MPDZ: variants seen among roughly 807,000 people sequenced by gnomAD.
The protein encoded by MPDZ is multiple PDZ domain protein.
A neutral mutation model predicts 239.1 loss-of-function variants in MPDZ; 234 were observed. The ratio of observed to expected loss-of-function variants is 0.98; its 90% CI spans 0.88 to 1.09. The LOEUF (loss-of-function observed/expected upper bound fraction) is 1.09. Among genes scored for constraint, MPDZ ranks in the 50% least tolerant of loss-of-function variants. MPDZ has a pLI of 0.00. For synonymous variants in MPDZ, 1,048 were observed against 881.3 expected (o/e 1.19, Z -3.35); for missense variants, 3,175 against 2,510.0 (o/e 1.26, Z -5.66).
In MPDZ at chr9:13,140,142, C is replaced by G; in HGVS notation, c.3848G>C (p.Ser1283Thr). 6.2e-7 allele frequency: 1 copy of G among 1,613,024 alleles called. No homozygotes were observed. Among genetic ancestry groups the G allele is most frequent in the Non-Finnish European group, 8.5e-7 (1 of 1,179,422 alleles). ...CTTCTCTGGCTCTGACTCTGACTGA[C>G]TGGGTGCCTGTGGGAACAAAAAGAA... ...SLQINADKAP[S>T]QSESEPEKAP... Residue 1283 changes from serine (S) to threonine (T), a missense_variant, in exon 28 of 47, where the codon AGT (serine) becomes ACT (threonine). Transcript: ENST00000319217.
intron 3 of MPDZ, among the ~76,000 whole-genome samples, chr9:13,231,759 C>A (rs554935939): frequency 2.6e-5 from 4 of 151,624 alleles, no homozygotes; most frequent in Admixed American, 6.6e-5. Context: ...TTGAGGCCAA[C>A]ATAACCTCAA....
Position 13,267,507 on chromosome 9 carries a change from G to T in MPDZ, c.-58+11893C>A, listed in dbSNP as rs143350169. Among the ~76,000 whole-genome samples, 7 of 152,244 alleles carry T rather than the reference G, an allele frequency of 4.6e-5. No individual in the cohort carries two copies. The East Asian group carries it at 1.4e-3, about 29-fold the overall frequency. Reference sequence around the variant, plus strand: ...TTATGATATCTTCTTTTCCATTGCTGAAAATTATGTGTACTTTTTACACTA... The same window carrying T: ...TTATGATATCTTCTTTTCCATTGCTTAAAATTATGTGTACTTTTTACACTA... On this transcript the variant is annotated intron_variant, in intron 1 of 46. Transcript: ENST00000319217.
At chr9:13,213,968 A>G (rs547389152) in intron 10 of MPDZ, among the ~76,000 whole-genome samples, 5 of 152,052 alleles carry the variant, frequency 3.3e-5, no homozygotes, top group African/African-American at 1.2e-4. Flanking sequence ...ACACAAGAGA[A>G]GTTTCCTTAT....
intron 39 of MPDZ, among the ~76,000 whole-genome samples, chr9:13,117,843 CTTTTT>C (rs201420389): frequency 7.6e-6 from 1 of 131,598 alleles, no homozygotes; most frequent in Non-Finnish European, 1.6e-5. Flanking sequence ...TTCAGATTAG[CTTTTT>C]TTTTTTTTTT....
chr9:13,189,075 A>T, intron 16 of MPDZ, 82 bp from the exon 17 acceptor site: 1 of 1,198,376 alleles, frequency 8.3e-7, no homozygotes, highest in Non-Finnish European at 1.2e-6. Flanking sequence ...ATCGTAACGA[A>T]TGAGTAATTG....
intron 28 of MPDZ, among the ~76,000 whole-genome samples, chr9:13,138,475 T>C (rs1437718226): frequency 1.3e-5 from 2 of 152,216 alleles, no homozygotes; most frequent in East Asian, 3.9e-4. Context: ...AGAAACTTGA[T>C]CATTTGCAGA....
At chr9:13,124,920 G>A (rs1944897145) in intron 35 of MPDZ, among the ~76,000 whole-genome samples, 1 of 152,092 alleles carries the variant, frequency 6.6e-6, no homozygotes, top group South Asian at 2.1e-4. Flanking sequence ...ATATATTTTT[G>A]GAGAGCAAAG....
intron 23 of MPDZ, 27 bp downstream of exon 23, chr9:13,162,664 T>G: frequency 6.9e-7 from 1 of 1,453,828 alleles, no homozygotes; most frequent in Non-Finnish European, 9.6e-7. Context: ...GTACCATTCA[T>G]TGTATTAGAT....
intron 43 of MPDZ, 82 bp from the exon 44 acceptor site, chr9:13,110,822 C>T: frequency 5.7e-6 from 5 of 877,900 alleles, no homozygotes; most frequent in Non-Finnish European, 8.9e-6. Flanking sequence ...TCATTTCCTT[C>T]TCCACCTTCC....
At chr9:13,117,104 TAATAA>T (rs900396005) in intron 39 of MPDZ, among the ~76,000 whole-genome samples, 1 of 152,018 alleles carries the variant, frequency 6.6e-6, no homozygotes, top group South Asian at 2.1e-4. Context: ...CATAAGAGGA[TAATAA>T]AATAGAACAA....
chr9:13,247,611 C>A, intron 3 of MPDZ, 24 bp downstream of exon 3: 1 of 1,596,280 alleles, frequency 6.3e-7, no homozygotes, highest in Non-Finnish European at 8.6e-7. Context: ...TCGTGAATGC[C>A]TGCTTGGGTG....
intron 12 of MPDZ, among the ~76,000 whole-genome samples, chr9:13,201,010 A>C (rs1335757190): frequency 6.6e-6 from 1 of 152,018 alleles, no homozygotes; most frequent in Admixed American, 6.6e-5. Flanking sequence ...AGTAGGGTGC[A>C]GAAGTCCCCT....
chr9:13,126,059 C>T (rs368779214), intron 34 of MPDZ, among the ~76,000 whole-genome samples: 5 of 152,170 alleles, frequency 3.3e-5, no homozygotes, highest in African/African-American at 1.2e-4. Flanking sequence ...AAATGAGATA[C>T]CAAATAAGTA....
intron 18 of MPDZ, among the ~76,000 whole-genome samples, chr9:13,184,621 T>G (rs535252997): frequency 1.3e-5 from 2 of 152,098 alleles, no homozygotes; most frequent in East Asian, 3.9e-4. Context: ...ATGTGGAGGT[T>G]TACCCTTACA....
chr9:13,214,872 C>A (rs17273416), intron 10 of MPDZ, among the ~76,000 whole-genome samples: 3,589 of 118,966 alleles, frequency 0.03, 41 homozygotes, highest in Middle Eastern at 0.072. Flanking sequence ...AAGAGGTGAA[C>A]AGGTGTAGGT....
chr9:13,134,766 A>G (rs1043985820), intron 31 of MPDZ: 1 of 152,226 alleles, frequency 6.6e-6, no homozygotes, highest in African/African-American at 2.4e-5. Flanking sequence ...ACAGTCTCCT[A>G]GTTACCACAC....
intron 19 of MPDZ, among the ~76,000 whole-genome samples, chr9:13,180,740 A>G (rs1238223723): frequency 1.3e-5 from 2 of 152,186 alleles, no homozygotes; most frequent in Non-Finnish European, 2.9e-5. Context: ...CTTAAAATCC[A>G]TATTTCAATG....
intron 13 of MPDZ, 101 bp from the exon 14 acceptor site, chr9:13,193,414 T>G: frequency 7.6e-7 from 1 of 1,308,284 alleles, no homozygotes; most frequent in Non-Finnish European, 1.0e-6. Context: ...GTGGTCATCT[T>G]TCTCACAAAG....
At chr9:13,273,461 T>C (rs1001674837) in intron 1 of MPDZ, among the ~76,000 whole-genome samples, 3 of 152,190 alleles carry the variant, frequency 2.0e-5, no homozygotes, top group Non-Finnish European at 4.4e-5. Flanking sequence ...GTACACAATA[T>C]AAAGTTACTG....
Sources: gnomAD v4.1 joint callset for allele counts (sites outside exome capture counted in the v4.1 genomes callset) on GRCh38, gnomAD v4.1.1 for gene constraint, MANE v1.5 for transcripts, NCBI Gene and HGNC (gene_info 2026-07-23, HGNC 2026-07-21) for gene names.